Variants in ANK3 observed in about 807,000 individuals in gnomAD.
ANK3 encodes ankyrin-3.
In ANK3, 57 loss-of-function variants were observed where a neutral mutation model predicts 370.9. That is an observed-to-expected ratio of 0.15 (90% CI 0.12 to 0.19). The LOEUF (loss-of-function observed/expected upper bound fraction) is 0.19, where lower values mean the gene tolerates loss of function less well. Among genes scored for constraint, ANK3 ranks in the 10% least tolerant of loss-of-function variants. The pLI is 1.00. For synonymous variants in ANK3, 1,929 were observed against 1,946.3 expected, an observed-to-expected ratio of 0.99 and a Z score of 0.23; for missense variants, 4,439 against 5,302.1, an observed-to-expected ratio of 0.84 and a Z score of 5.06.
chr10:60,614,775 C>T (rs559779631), intron 2 of ANK3, among the ~76,000 whole-genome samples: 1 of 152,252 alleles, frequency 6.6e-6, no homozygotes, highest in East Asian at 1.9e-4. Flanking sequence ...ATTGGACTCC[C>T]ATGTAGACTT....
In ANK3 at chr10:60,416,510, A is replaced by ATATG. The variant is rs1594985135; in HGVS notation, c.97-136872_97-136871insCATA. ...TATGATTTCATTTATATGAAGTTCT[A>ATATG]AAGTGACAAAATTCAGTATCTGTGG... On this transcript the variant is annotated intron_variant, in intron 2 of 43. Transcript: ENST00000373827. Among the ~76,000 whole-genome samples the ATATG allele has an allele frequency of 2.6e-5, 4 of 152,236 alleles. No individual in the cohort carries two copies. In the East Asian group the frequency reaches 7.7e-4, roughly 29 times the overall value.
intron 1 of ANK3, among the ~76,000 whole-genome samples, chr10:60,283,956 G>A (rs1023272597): frequency 6.6e-6 from 1 of 152,008 alleles, no homozygotes; most frequent in Admixed American, 6.6e-5. Context: ...GTAATGTAGT[G>A]GGTTGAATGG....
chr10:60,039,832 T>C (rs923299569), intron 43 of ANK3, among the ~76,000 whole-genome samples: 1 of 152,288 alleles, frequency 6.6e-6, no homozygotes. Context: ...CAGAAGATGA[T>C]TGTTATTATT....
At chr10:60,716,146 C>T (rs1407877000) in intron 1 of ANK3, among the ~76,000 whole-genome samples, 1 of 151,780 alleles carries the variant, frequency 6.6e-6, no homozygotes, top group Non-Finnish European at 1.5e-5. Context: ...TTAATACTAT[C>T]GCTCATAAAA....
chr10:60,174,215 C>A (rs1044559427), intron 18 of ANK3, among the ~76,000 whole-genome samples: 1 of 152,122 alleles, frequency 6.6e-6, no homozygotes, highest in East Asian at 1.9e-4. Flanking sequence ...GGTGAAGATA[C>A]CTTACCAGGG....
intron 1 of ANK3, among the ~76,000 whole-genome samples, chr10:60,641,407 AG>A (rs1413389659): frequency 1.3e-5 from 2 of 152,122 alleles, no homozygotes; most frequent in Non-Finnish European, 2.9e-5. Context: ...TAACCAAAAC[AG>A]CATGGTACTG....
chr10:60,234,576 T>C (rs2097300414), intron 8 of ANK3, 112 bp downstream of exon 8: 2 of 620,410 alleles, frequency 3.2e-6, no homozygotes, highest in East Asian at 2.8e-5. Flanking sequence ...CAAGAGACTA[T>C]AACAAATAGA....
chr10:60,062,840 CTT>C (rs2080862910), intron 40 of ANK3: 2 of 242,582 alleles, frequency 8.2e-6, no homozygotes, highest in Admixed American at 5.5e-5. Flanking sequence ...AGATATTTAA[CTT>C]TTATGAAATA....
At chr10:60,489,489 T>G (rs1322503145) in intron 2 of ANK3, among the ~76,000 whole-genome samples, 1 of 152,140 alleles carries the variant, frequency 6.6e-6, no homozygotes, top group Admixed American at 6.6e-5. Flanking sequence ...AAAATTAAAT[T>G]AAAACCATCT....
rs147423576 is a variant in ANK3 at position 60,423,972 on chromosome 10, T to G, written c.97-144333A>C. On this transcript the variant is annotated intron_variant, in intron 2 of 43. Coordinates refer to the ANK3 transcript ENST00000373827. The stretch of plus-strand genomic sequence containing the variant: ...GAGATTCACATAAGCGTTTTAATAT[T>G]GGCAAATATATATTATTTCCTTGGG... Among the ~76,000 whole-genome samples, 340 of 152,236 alleles carry G rather than the reference T, an allele frequency of 2.2e-3. 2 individuals carry two copies. Among genetic ancestry groups the G allele is most frequent in the East Asian group, 0.018 (94 of 5,182 alleles).
intron 1 of ANK3, among the ~76,000 whole-genome samples, chr10:60,632,022 A>G (rs990147593): frequency 6.6e-6 from 1 of 152,194 alleles, no homozygotes; most frequent in Non-Finnish European, 1.5e-5. Context: ...GCAATTAAAG[A>G]CACAGGAATG....
chr10:60,473,246 T>A (rs1277034802), intron 2 of ANK3, among the ~76,000 whole-genome samples: 1 of 152,232 alleles, frequency 6.6e-6, no homozygotes, highest in Non-Finnish European at 1.5e-5. Context: ...AAAAATATGT[T>A]AATAGTGATT....
chr10:60,164,961 C>T (rs1156765199), intron 23 of ANK3, among the ~76,000 whole-genome samples: 1 of 151,962 alleles, frequency 6.6e-6, no homozygotes, highest in Non-Finnish European at 1.5e-5. Context: ...TTTCAAATTC[C>T]CAAGCTGAGA....
At chr10:60,335,330 A>G (rs2052559240) in intron 1 of ANK3, among the ~76,000 whole-genome samples, 1 of 152,098 alleles carries the variant, frequency 6.6e-6, no homozygotes, top group South Asian at 2.1e-4. Context: ...GAATAAAGCT[A>G]CTGTGGGACA....
chr10:60,713,941 A>T (rs1392277546), intron 1 of ANK3, among the ~76,000 whole-genome samples: 2 of 148,232 alleles, frequency 1.3e-5, no homozygotes, highest in Non-Finnish European at 3.0e-5. Context: ...TAGAGAATAT[A>T]AAAAAAAAAG....
At chr10:60,061,409 C>A (rs2080433444) in intron 40 of ANK3, among the ~76,000 whole-genome samples, 1 of 152,140 alleles carries the variant, frequency 6.6e-6, no homozygotes, top group South Asian at 2.1e-4. Context: ...TTAAATGAAG[C>A]TTTCAACACA....
intron 2 of ANK3, among the ~76,000 whole-genome samples, chr10:60,411,484 T>C (rs1311523792): frequency 1.3e-5 from 2 of 152,146 alleles, no homozygotes; most frequent in Non-Finnish European, 2.9e-5. Context: ...ATAGAGCAGG[T>C]CTGGGGAGAA....
At chr10:60,643,500 A>ATC (rs2078663991) in intron 1 of ANK3, among the ~76,000 whole-genome samples, 45 of 146,816 alleles carry the variant, frequency 3.1e-4, no homozygotes, top group African/African-American at 1.1e-3. Context: ...ACTCCCCTTT[A>ATC]TATCTATCTA....
Position 60,074,600 on chromosome 10 carries a change from T to C in ANK3, c.6281A>G (p.Glu2094Gly). Residue 2094 changes from glutamate to glycine, a missense_variant, in exon 37 of 44, where the codon GAA (glutamate) becomes GGA (glycine). Physicochemically the swap from Glu to Gly is moderately conservative, Grantham distance 98 (BLOSUM62 -2). Transcript: ENST00000280772. Reference protein sequence around the residue: ...ASMRTSTSEKELCKMADSFFG... With the variant: ...ASMRTSTSEKGLCKMADSFFG... ...AAAGGAATCAGCCATTTTACACAAT[T>C]CTTTCTCAGAGGTGGAAGTCCTCAT... 5.0e-6 allele frequency: 8 copies of C among 1,614,162 alleles called. No homozygotes were observed. The highest frequency in any genetic ancestry group is 6.8e-6 in the Non-Finnish European group (8 of 1,180,012).
Sources: allele counts gnomAD v4.1 joint callset (sites outside exome capture counted in the v4.1 genomes callset), GRCh38; gene constraint gnomAD v4.1.1; transcripts MANE v1.5; gene names NCBI Gene and HGNC (gene_info 2026-07-23, HGNC 2026-07-21).